The following LRP1B variants were observed in gnomAD, a reference collection of about 807,000 sequenced individuals.
LRP1B encodes the protein LDL receptor related protein 1B, also known as low-density lipoprotein receptor-related protein 1B.
Under a neutral mutation model 556.6 loss-of-function variants are expected in LRP1B, and 217 were observed. That is an observed-to-expected ratio of 0.39 (90% CI 0.35 to 0.44). LRP1B has a LOEUF of 0.44. LRP1B is among the 20% of genes least tolerant of loss of function. The probability of loss-of-function intolerance (pLI) is 1.00; values close to 1 mark genes in which losing one functional copy is unlikely to be tolerated. For missense variants in LRP1B, 5,053 were observed against 5,620.8 expected (o/e 0.90, Z 3.23); for synonymous variants, 2,047 against 1,865.8 (o/e 1.10, Z -2.50).
intron 45 of LRP1B, 39 bp from the exon 46 acceptor site, chr2:140,536,748 T>C (rs772799540): frequency 4.6e-6 from 7 of 1,531,326 alleles, no homozygotes; most frequent in Non-Finnish European, 6.2e-6. Flanking sequence ...TTTTGTGCAA[T>C]GGCAAATATT....
chr2:140,328,054 A>G (rs1558805089), intron 79 of LRP1B, among the ~76,000 whole-genome samples: 2 of 152,062 alleles, frequency 1.3e-5, no homozygotes, highest in Admixed American at 1.3e-4. Flanking sequence ...TCAAGTTTAT[A>G]TGAAAAAAGT....
At chr2:140,877,071 T>G (rs1430732263) in intron 25 of LRP1B, among the ~76,000 whole-genome samples, 1 of 152,152 alleles carries the variant, frequency 6.6e-6, no homozygotes, top group Non-Finnish European at 1.5e-5. Flanking sequence ...CTTTTTCCTT[T>G]TTTCTCCATT....
intron 1 of LRP1B, among the ~76,000 whole-genome samples, chr2:141,923,450 G>A (rs866227629): frequency 3.3e-3 from 306 of 92,498 alleles, no homozygotes; most frequent in South Asian, 0.015. Context: ...ATATATATGT[G>A]TGTGTGTGTG....
intron 85 of LRP1B, 93 bp from the exon 86 acceptor site, chr2:140,270,439 A>C (rs898510567): frequency 2.4e-6 from 2 of 834,010 alleles, no homozygotes. Context: ...GAGAATATTC[A>C]TCATATAGGA....
intron 3 of LRP1B, among the ~76,000 whole-genome samples, chr2:141,442,028 C>T (rs969706703): frequency 6.6e-6 from 1 of 152,144 alleles, no homozygotes; most frequent in Non-Finnish European, 1.5e-5. Context: ...TGTGACTCTA[C>T]CCAAATTTTG....
chr2:140,361,157 C>A (rs1682483709), intron 72 of LRP1B, among the ~76,000 whole-genome samples: 1 of 150,194 alleles, frequency 6.7e-6, no homozygotes, highest in Non-Finnish European at 1.5e-5. Flanking sequence ...TCCCAATAAC[C>A]TGGATTCTCT....
intron 3 of LRP1B, among the ~76,000 whole-genome samples, chr2:141,449,708 A>T (rs1455295485): frequency 6.6e-6 from 1 of 152,224 alleles, no homozygotes; most frequent in Non-Finnish European, 1.5e-5. Context: ...GGTCAAAAAC[A>T]TATTTTGTTT....
chr2:140,705,589 A>C (rs980409483), intron 37 of LRP1B, among the ~76,000 whole-genome samples: 1 of 150,002 alleles, frequency 6.7e-6, no homozygotes, highest in Non-Finnish European at 1.5e-5. Flanking sequence ...ACAAAATATG[A>C]AAAAGGTCTT....
intron 2 of LRP1B, among the ~76,000 whole-genome samples, chr2:141,558,327 G>A (rs1055548649): frequency 5.3e-5 from 8 of 151,764 alleles, no homozygotes; most frequent in South Asian, 4.1e-4. Flanking sequence ...CTCATCATTC[G>A]TCAGGCCTTA....
At chr2:141,912,952 C>G (rs1055044865) in intron 1 of LRP1B, among the ~76,000 whole-genome samples, 3 of 152,162 alleles carry the variant, frequency 2.0e-5, no homozygotes, top group African/African-American at 7.2e-5. Flanking sequence ...CTTATGAAGG[C>G]TCCTGTGTCA....
Position 140,700,536 on chromosome 2 carries a change from G to T in LRP1B, c.6513C>A (p.Ala2171=). 1.2e-6 allele frequency: 2 copies of T among 1,613,448 alleles called. No individual in the cohort carries two copies. Among genetic ancestry groups the T allele is most frequent in the Admixed American group, 1.7e-5 (1 of 59,902 alleles). ...CTCCATCTTCTGCCAAATATCCATG[G>T]GCACAAGCACAAGTTCTCCGGGAAT... ...RGNSRRTCAC[A]HGYLAEDGVT... is the part of the protein sequence containing the mutation. The change falls in exon 41 of 91, where the codon GCC becomes GCA. Residue 2171 remains alanine, a synonymous_variant. Transcript: ENST00000389484.
intron 1 of LRP1B, among the ~76,000 whole-genome samples, chr2:141,996,142 C>T (rs895727470): frequency 1.3e-5 from 2 of 150,276 alleles, no homozygotes; most frequent in Non-Finnish European, 2.9e-5. Flanking sequence ...GTCCCGAACC[C>T]GGGAGGCAGA....
At chr2:140,765,892 T>A (rs1039037905) in intron 35 of LRP1B, among the ~76,000 whole-genome samples, 2 of 152,080 alleles carry the variant, frequency 1.3e-5, no homozygotes, top group African/African-American at 4.8e-5. Flanking sequence ...GGCTGTTTGT[T>A]TAGAATAAGA....
chr2:141,661,128 A>G (rs575397353), intron 2 of LRP1B, among the ~76,000 whole-genome samples: 1 of 152,290 alleles, frequency 6.6e-6, no homozygotes, highest in South Asian at 2.1e-4. Context: ...AGAAAGCAAC[A>G]ACAACAGCAT....
At chr2:140,936,316 G>A (rs1695203081) in intron 20 of LRP1B, among the ~76,000 whole-genome samples, 1 of 126,612 alleles carries the variant, frequency 7.9e-6, no homozygotes, top group South Asian at 2.6e-4. Context: ...CTCCAGCCTG[G>A]TTGACAGAGG....
At chr2:141,742,330 A>AT (rs1693742732) in intron 2 of LRP1B, among the ~76,000 whole-genome samples, 1 of 148,502 alleles carries the variant, frequency 6.7e-6, no homozygotes, top group African/African-American at 2.5e-5. Context: ...CGACTCACTG[A>AT]CACGGCCGCC....
intron 2 of LRP1B, among the ~76,000 whole-genome samples, chr2:141,499,697 T>C (rs1427085532): frequency 6.6e-6 from 1 of 151,940 alleles, no homozygotes; most frequent in Non-Finnish European, 1.5e-5. Flanking sequence ...AATATTAAAG[T>C]ATGACATTTT....
At chr2:141,790,251 A>T (rs987585596) in intron 2 of LRP1B, among the ~76,000 whole-genome samples, 1 of 151,908 alleles carries the variant, frequency 6.6e-6, no homozygotes, top group Non-Finnish European at 1.5e-5. Context: ...AATTAAAATA[A>T]ATGTATTCTT....
intron 7 of LRP1B, among the ~76,000 whole-genome samples, chr2:141,066,791 C>A (rs1018048268): frequency 4.0e-5 from 6 of 151,674 alleles, no homozygotes; most frequent in Admixed American, 2.0e-4. Flanking sequence ...GGTTACACGA[C>A]AAGATTTTTT....
Sources: allele counts gnomAD v4.1 joint callset (sites outside exome capture counted in the v4.1 genomes callset), GRCh38; gene constraint gnomAD v4.1.1; transcripts MANE v1.5; gene names NCBI Gene and HGNC (gene_info 2026-07-23, HGNC 2026-07-21).